The following LRP6 variants were observed in gnomAD, a reference collection of about 807,000 sequenced individuals.
LRP6 encodes low-density lipoprotein receptor-related protein 6.
Under a neutral mutation model 184.1 loss-of-function variants are expected in LRP6, and 43 were observed. The ratio of observed to expected loss-of-function variants is 0.23; its 90% CI spans 0.18 to 0.30. The LOEUF (loss-of-function observed/expected upper bound fraction) is 0.30. Among genes scored for constraint, LRP6 ranks in the 10% least tolerant of loss-of-function variants. The pLI is 1.00. For synonymous variants in LRP6, 719 were observed against 684.9 expected (o/e 1.05, Z -0.78); for missense variants, 1,571 against 2,005.3 (o/e 0.78, Z 4.14).
intron 3 of LRP6, among the ~76,000 whole-genome samples, chr12:12,193,556 A>G (rs1438053006): frequency 6.6e-6 from 1 of 152,010 alleles, no homozygotes; most frequent in Non-Finnish European, 1.5e-5. Flanking sequence ...TGAAAGAGAA[A>G]CACTGCCTTA....
intron 3 of LRP6, among the ~76,000 whole-genome samples, chr12:12,201,489 G>A (rs993646221): frequency 2.5e-4 from 38 of 151,970 alleles, no homozygotes; most frequent in Admixed American, 1.6e-3. Flanking sequence ...CTATTTTGGC[G>A]TTCCCCTGCT....
chr12:12,255,447 T>C (rs184478227), intron 1 of LRP6, among the ~76,000 whole-genome samples: 1 of 152,224 alleles, frequency 6.6e-6, no homozygotes, highest in African/African-American at 2.4e-5. Flanking sequence ...CTTTTTCGGT[T>C]TGATTTTGAA....
chr12:12,226,806 C>T (rs899321428), intron 2 of LRP6: 3 of 152,068 alleles, frequency 2.0e-5, no homozygotes, highest in African/African-American at 7.2e-5. Context: ...ACAATAAGAA[C>T]TGTGGGACAA....
Position 12,125,368 on chromosome 12 carries a change from G to T in LRP6, c.4377C>A (p.Pro1459=), listed in dbSNP as rs774159035. 5 of 1,613,692 alleles carry T rather than the reference G, an allele frequency of 3.1e-6. No individual in the cohort carries two copies. The highest frequency in any genetic ancestry group is 4.2e-6 in the Non-Finnish European group (5 of 1,179,694). ...CTCCTGTAACATGGGCTCGGTCATA[G>T]GGGGGTCCACTGCTTCCCCCCATGA... is the stretch of plus-strand genomic sequence containing the variant. The part of the protein sequence containing the change: ...LSIMGGSSGP[P]YDRAHVTGAS... The change falls in exon 21 of 23, where the codon CCC becomes CCA. Residue 1459 remains proline, a synonymous_variant. Coordinates refer to ENST00000261349, the MANE Select transcript of LRP6 (RefSeq NM_002336.3).
Position 12,187,015 on chromosome 12 carries a change from T to C in LRP6, c.752A>G (p.Asn251Ser), listed in dbSNP as rs144346961. Reference protein sequence around the residue: ...DWSTHSILACNKYTGEGLREI... With the variant: ...DWSTHSILACSKYTGEGLREI... ...ACGCAGACCCTCACCAGTATACTTG[T>C]TGCAAGCCAAAATGGAGTGTGTGCT... is the stretch of plus-strand genomic sequence containing the variant. Residue 251 changes from asparagine to serine, a missense_variant, in exon 4 of 23, where the codon AAC (asparagine) becomes AGC (serine). Transcript: ENST00000261349. 2.2e-4 allele frequency: 360 copies of C among 1,614,020 alleles called. No individual in the cohort carries two copies. The highest frequency in any genetic ancestry group is 7.5e-5 in the Non-Finnish European group (88 of 1,180,014).
rs1949576121 is a variant in LRP6, at chr12:12,119,990, A to AATATATTT, written c.*1135_*1136insAAATATAT. The AATATATTT allele has an allele frequency of 2.2e-5, 1 of 45,520 alleles. No individual in the cohort carries two copies. The highest frequency in any genetic ancestry group is 9.5e-5 in the African/African-American group (1 of 10,566). The allele number at this position is 45,520 out of a possible 1,614,324, so 2.8% of individuals were successfully genotyped here. A position where few individuals can be genotyped will look rare whatever the true frequency, so the allele number is the denominator to read the frequency against. On this transcript the variant is annotated 3_prime_UTR_variant, in exon 23 of 23. Transcript: ENST00000261349. ...ACTCAGAAAACAAACAAACAAACAAAATATATATATATATATATATATATA... is the reference window on the plus strand; with the variant it reads ...ACTCAGAAAACAAACAAACAAACAAAATATATTTATATATATATATATATATATATATA...
chr12:12,212,167 T>G (rs1171103164), intron 2 of LRP6, among the ~76,000 whole-genome samples: 3 of 152,292 alleles, frequency 2.0e-5, no homozygotes, highest in African/African-American at 7.2e-5. Context: ...GGACTTTGTT[T>G]TATTTTTTGT....
intron 8 of LRP6, 72 bp from the exon 9 acceptor site, chr12:12,164,634 A>T (rs1328761999): frequency 7.5e-6 from 11 of 1,474,518 alleles, no homozygotes; most frequent in Admixed American, 1.7e-5. Flanking sequence ...TTCACTTTTA[A>T]ATTACTTAAG....
rs948722253 is a variant in LRP6, at chr12:12,186,938, G to C, written c.829C>G (p.Gln277Glu). 2.5e-6 allele frequency: 4 copies of C among 1,614,016 alleles called. No homozygotes were observed. In the African/African-American group the frequency reaches 4.0e-5, roughly 16 times the overall value. ...GATCACTTACCATTTGGCTGCCTCTGTTGGCTGAAGGCATGTATATCCATG... is the reference window on the plus strand; with the variant it reads ...GATCACTTACCATTTGGCTGCCTCTCTTGGCTGAAGGCATGTATATCCATG... ...SPMDIHAFSQQRQPNATNPCG... is the reference protein window; with the variant it reads ...SPMDIHAFSQERQPNATNPCG... Residue 277 changes from glutamine (Q) to glutamate (E), a missense_variant, in exon 4 of 23, where the codon CAG (glutamine) becomes GAG (glutamate). Coordinates refer to ENST00000261349, the MANE Select transcript of LRP6 (RefSeq NM_002336.3).
At chr12:12,231,771 T>C (rs1864796513) in intron 2 of LRP6, among the ~76,000 whole-genome samples, 1 of 151,596 alleles carries the variant, frequency 6.6e-6, no homozygotes, top group Non-Finnish European at 1.5e-5. Context: ...GCCCAACACT[T>C]TGGGAGGCTG....
intron 20 of LRP6, 74 bp downstream of exon 20, chr12:12,126,617 T>C (rs1591862154): frequency 8.6e-7 from 1 of 1,157,764 alleles, no homozygotes; most frequent in Non-Finnish European, 1.3e-6. Flanking sequence ...CTAGGTAGTA[T>C]TCTTTTCCAC....
At chr12:12,179,425 C>T in intron 7 of LRP6, among the ~76,000 whole-genome samples, 1 of 144,776 alleles carries the variant, frequency 6.9e-6, no homozygotes, top group African/African-American at 2.9e-5. Context: ...TAGATATACA[C>T]ATACATGTGG....
Position 12,120,018 on chromosome 12 carries a change from T to TATATATATATATATATATAA in LRP6, c.*1107_*1108insTTATATATATATATATATAT, listed in dbSNP as rs1949580354. On this transcript the variant is annotated 3_prime_UTR_variant, in exon 23 of 23. Coordinates refer to ENST00000261349, the MANE Select transcript of LRP6 (RefSeq NM_002336.3). ...ATATATATATATATATATATATATA[T>TATATATATATATATATATAA]ATATATATATATATATATATATATA... 1.9e-5 allele frequency: 2 copies of TATATATATATATATATATAA among 103,688 alleles called. No individual in the cohort carries two copies. The highest frequency in any genetic ancestry group is 2.2e-5 in the Non-Finnish European group (1 of 44,732). 6.4% of individuals were successfully genotyped at this position (103,688 alleles called of 1,614,324 possible). A position where few individuals can be genotyped will look rare whatever the true frequency, so the allele number is the denominator to read the frequency against.
intron 15 of LRP6, among the ~76,000 whole-genome samples, chr12:12,144,734 T>A (rs1378762170): frequency 4.0e-5 from 6 of 151,840 alleles, no homozygotes; most frequent in African/African-American, 1.5e-4. Flanking sequence ...TATGCAACCA[T>A]AAAAAAGGAT....
At chr12:12,248,625 G>A (rs916361145) in intron 1 of LRP6, among the ~76,000 whole-genome samples, 4 of 151,258 alleles carry the variant, frequency 2.6e-5, no homozygotes, top group African/African-American at 9.7e-5. Flanking sequence ...GGGACTACAG[G>A]CGCCCGCCAC....
rs927784838 is a variant in LRP6 at position 12,121,064 on chromosome 12, T to C, written c.*62A>G. 4.8e-6 allele frequency: 7 copies of C among 1,464,604 alleles called. No individual in the cohort carries two copies. The highest frequency in any genetic ancestry group is 1.4e-5 in the African/African-American group (1 of 70,912). 90.7% of individuals were successfully genotyped at this position (1,464,604 alleles called of 1,614,324 possible). On this transcript the variant is annotated 3_prime_UTR_variant, in exon 23 of 23. Coordinates refer to ENST00000261349, the MANE Select transcript of LRP6 (RefSeq NM_002336.3). ...TAATAGCTCCCTCCCCCCCTCCAGA[T>C]CTCAACCAAATTTATATTTACATTT...
At chr12:12,173,138 G>A (rs144097223) in intron 7 of LRP6, among the ~76,000 whole-genome samples, 2 of 152,020 alleles carry the variant, frequency 1.3e-5, no homozygotes, top group African/African-American at 2.4e-5. Context: ...TCCAGGAAAC[G>A]AAAAAATTGA....
At chr12:12,194,051 A>T (rs1011552171) in intron 3 of LRP6, among the ~76,000 whole-genome samples, 1 of 152,136 alleles carries the variant, frequency 6.6e-6, no homozygotes, top group Non-Finnish European at 1.5e-5. Flanking sequence ...CTGAAAACCA[A>T]TTACTGAAAT....
At chr12:12,261,439 T>C (rs1466486242) in intron 1 of LRP6, among the ~76,000 whole-genome samples, 1 of 151,368 alleles carries the variant, frequency 6.6e-6, no homozygotes, top group East Asian at 1.9e-4. Flanking sequence ...AGGAAATCAC[T>C]ATTAGCCCTT....
Sources: gnomAD v4.1 joint callset for allele counts (sites outside exome capture counted in the v4.1 genomes callset) on GRCh38, gnomAD v4.1.1 for gene constraint, MANE v1.5 for transcripts, NCBI Gene and HGNC (gene_info 2026-07-23, HGNC 2026-07-21) for gene names.